AHCYL2: variants seen among roughly 807,000 people sequenced by gnomAD.
AHCYL2 encodes the protein adenosylhomocysteinase like 2.
In AHCYL2, 28 loss-of-function variants were observed where a neutral mutation model predicts 81.4. The ratio of observed to expected loss-of-function variants is 0.34; its 90% CI spans 0.25 to 0.47. The LOEUF is 0.47. Ranked by LOEUF, AHCYL2 falls within the 20% of genes least tolerant of loss-of-function variation. The probability of loss-of-function intolerance (pLI) is 1.00; values close to 1 mark genes in which losing one functional copy is unlikely to be tolerated. For synonymous variants in AHCYL2, 272 were observed against 290.2 expected, an observed-to-expected ratio of 0.94 and a Z score of 0.64; for missense variants, 551 against 785.1, an observed-to-expected ratio of 0.70 and a Z score of 3.56.
intron 11 of AHCYL2, among the ~76,000 whole-genome samples, chr7:129,411,539 C>G (rs934762937): frequency 3.3e-5 from 5 of 152,096 alleles, no homozygotes; most frequent in African/African-American, 1.2e-4. Context: ...ATGGGTGGAC[C>G]ACCTGAGGTC....
intron 1 of AHCYL2, among the ~76,000 whole-genome samples, chr7:129,250,508 T>C (rs1380247974): frequency 6.6e-6 from 1 of 152,236 alleles, no homozygotes; most frequent in Non-Finnish European, 1.5e-5. Context: ...TCTTGTCCAA[T>C]GTATGTGCCT....
At chr7:129,398,289 G>A (rs1795840235) in intron 5 of AHCYL2, among the ~76,000 whole-genome samples, 1 of 151,416 alleles carries the variant, frequency 6.6e-6, no homozygotes. Flanking sequence ...GGGATTACAG[G>A]TGTGAGCCAC....
At chr7:129,364,823 A>C (rs1794050285) in intron 1 of AHCYL2, among the ~76,000 whole-genome samples, 1 of 152,192 alleles carries the variant, frequency 6.6e-6, no homozygotes, top group Admixed American at 6.5e-5. Context: ...ATTCCTGCAG[A>C]GATAATATAA....
At chr7:129,278,197 T>A (rs1796292118) in intron 1 of AHCYL2, among the ~76,000 whole-genome samples, 1 of 152,194 alleles carries the variant, frequency 6.6e-6, no homozygotes, top group Non-Finnish European at 1.5e-5. Context: ...CATTTGTATG[T>A]CTCTTGTGGT....
chr7:129,406,438 A>G lies in AHCYL2; in HGVS notation c.1267A>G (p.Ile423Val). Residue 423 changes from isoleucine (I) to valine (V), a missense_variant, in exon 10 of 17, where the codon ATT becomes GTT. Ile to Val is a conservative substitution (Grantham distance 29, BLOSUM62 3). This residue lies in a region of AHCYL2 where 316 missense variants were observed against 543.1 expected (regional missense o/e 0.58). Transcript: ENST00000325006. This position sits in a 1 kb window ranked among gnomAD's most constrained non-coding sequence, Gnocchi z 4.3. The stretch of plus-strand genomic sequence containing the variant: ...GGGCTCCATTGTGTATGTAACTGAA[A>G]TTGACCCCATCTGTGCCCTGCAAGC... ...AMGSIVYVTE[I>V]DPICALQACM... 1 of 1,613,818 alleles carries G rather than the reference A, an allele frequency of 6.2e-7. No individual in the cohort carries two copies.
At chr7:129,341,622 G>A (rs1411457332) in intron 1 of AHCYL2, among the ~76,000 whole-genome samples, 1 of 152,176 alleles carries the variant, frequency 6.6e-6, no homozygotes, top group Admixed American at 6.5e-5. Context: ...AAGAGATCTG[G>A]CGGCGGCAGT....
intron 1 of AHCYL2, among the ~76,000 whole-genome samples, chr7:129,325,989 G>A (rs912071688): frequency 2.0e-5 from 3 of 152,138 alleles, no homozygotes; most frequent in African/African-American, 7.2e-5. Flanking sequence ...ACAGGTGTGA[G>A]CCACCTCGCC....
chr7:129,225,147 C>T lies in AHCYL2; in HGVS notation c.71C>T (p.Pro24Leu). 3.1e-6 allele frequency: 5 copies of T among 1,601,498 alleles called. No homozygotes were observed. Among genetic ancestry groups the T allele is most frequent in the Non-Finnish European group, 4.3e-6 (5 of 1,175,606 alleles). ...VPEVELKDLS[P>L]SEAESQLGLS... ...GAGGTGGAGCTGAAGGACCTGAGCC[C>T]CTCCGAGGCGGAGTCGCAACTAGGA... Residue 24 changes from proline to leucine, a missense_variant, in exon 1 of 17, where the codon CCC becomes CTC. Physicochemically the swap from Pro to Leu is moderately conservative, Grantham distance 98 (BLOSUM62 -3). Transcript: ENST00000325006.
intron 1 of AHCYL2, among the ~76,000 whole-genome samples, chr7:129,230,499 C>T (rs961774401): frequency 6.6e-6 from 1 of 151,986 alleles, no homozygotes; most frequent in African/African-American, 2.4e-5. Context: ...TGTGATGGAA[C>T]TAACAGAGCC....
chr7:129,326,951 A>G (rs890528690), intron 1 of AHCYL2, among the ~76,000 whole-genome samples: 2 of 152,168 alleles, frequency 1.3e-5, no homozygotes, highest in Non-Finnish European at 2.9e-5. Context: ...TGGGGAGTTT[A>G]TGGTGTTGTG....
rs1795345675 is a variant in AHCYL2 at position 129,389,192 on chromosome 7, T to C, written c.612T>C (p.Ala204=). 5 of 1,613,976 alleles carry C rather than the reference T, an allele frequency of 3.1e-6. No homozygotes were observed. In the East Asian group the frequency reaches 1.1e-4, roughly 36 times the overall value. ...AEFGRREIEI[A]EQEMPALMAL... ...TTGGACGAAGAGAAATTGAAATTGC[T>C]GAACAAGGTAAAGAAAACAAGCACC... The change falls in exon 3 of 17, where the codon GCT becomes GCC. Residue 204 remains alanine (A), a synonymous_variant. Transcript: ENST00000325006.
chr7:129,396,041 C>T (rs1286518355), intron 4 of AHCYL2, among the ~76,000 whole-genome samples: 6 of 152,096 alleles, frequency 3.9e-5, no homozygotes, highest in African/African-American at 1.4e-4. Flanking sequence ...TTGATGGGCT[C>T]AAGAAAAGTT....
chr7:129,282,158 T>C (rs937704065), intron 1 of AHCYL2, among the ~76,000 whole-genome samples: 39 of 152,204 alleles, frequency 2.6e-4, no homozygotes, highest in Admixed American at 2.5e-3. Flanking sequence ...ATGGCTTATC[T>C]TGGTAAATTT....
At chr7:129,396,775 A>G (rs1795763054) in intron 4 of AHCYL2, among the ~76,000 whole-genome samples, 2 of 152,074 alleles carry the variant, frequency 1.3e-5, no homozygotes, top group African/African-American at 4.8e-5. Flanking sequence ...GCTGGAGTGC[A>G]GTGGCACAGT....
intron 1 of AHCYL2, among the ~76,000 whole-genome samples, chr7:129,257,028 C>A (rs1466224236): frequency 6.6e-6 from 1 of 151,812 alleles, no homozygotes; most frequent in Non-Finnish European, 1.5e-5. Context: ...TCAGAGGAGC[C>A]CCTAGAGTTG....
intron 1 of AHCYL2, among the ~76,000 whole-genome samples, chr7:129,331,915 C>A (rs1292987364): frequency 1.3e-5 from 2 of 151,344 alleles, no homozygotes; most frequent in Non-Finnish European, 2.9e-5. Flanking sequence ...GTGAGACAAT[C>A]ATTTCTTATT....
intron 1 of AHCYL2, among the ~76,000 whole-genome samples, chr7:129,244,752 A>C (rs1010180419): frequency 2.6e-5 from 4 of 152,186 alleles, no homozygotes; most frequent in African/African-American, 7.2e-5. Flanking sequence ...GAACACAAAC[A>C]TTCAGTCTAG....
At chr7:129,256,559 C>CCG (rs1384537141) in intron 1 of AHCYL2, among the ~76,000 whole-genome samples, 1 of 138,312 alleles carries the variant, frequency 7.2e-6, no homozygotes, top group Non-Finnish European at 1.6e-5. Flanking sequence ...ACCCCCCCCC[C>CCG]GCCTTAATCT....
intron 1 of AHCYL2, among the ~76,000 whole-genome samples, chr7:129,235,300 G>A (rs1794603693): frequency 6.6e-6 from 1 of 151,094 alleles, no homozygotes; most frequent in Admixed American, 6.6e-5. Flanking sequence ...TGCTCAGGCT[G>A]GAGTGCAATA....
Sources: allele counts gnomAD v4.1 joint callset (sites outside exome capture counted in the v4.1 genomes callset), GRCh38; gene constraint gnomAD v4.1.1; regional missense constraint gnomAD v4.1.1; non-coding constraint Gnocchi (gnomAD v3.1); transcripts MANE v1.5; gene names NCBI Gene and HGNC (gene_info 2026-07-23, HGNC 2026-07-21).